The following TMEM132D variants were observed in gnomAD, a reference collection of about 807,000 sequenced individuals.
The protein encoded by TMEM132D is mature OL transmembrane protein.
Under a neutral mutation model 62.3 loss-of-function variants are expected in TMEM132D, and 21 were observed. The observed-to-expected ratio is 0.34, with a 90% confidence interval of 0.24 to 0.49. TMEM132D has a LOEUF of 0.49. Among genes scored for constraint, TMEM132D ranks in the 20% least tolerant of loss-of-function variants. The pLI is 0.99. For missense variants in TMEM132D, 1,346 were observed against 1,402.8 expected (o/e 0.96, Z 0.65); for synonymous variants, 621 against 575.6 (o/e 1.08, Z -1.13).
chr12:129,300,175 A>G (rs1881676681), intron 4 of TMEM132D, among the ~76,000 whole-genome samples: 1 of 152,198 alleles, frequency 6.6e-6, no homozygotes, highest in Non-Finnish European at 1.5e-5. Context: ...TACTTGAGCC[A>G]GCTACTTAAT....
At chr12:129,878,744 T>C (rs1874507141) in intron 1 of TMEM132D, among the ~76,000 whole-genome samples, 1 of 151,906 alleles carries the variant, frequency 6.6e-6, no homozygotes, top group Admixed American at 6.6e-5. Context: ...AATTTTTGTA[T>C]TTTTAGTACA....
intron 4 of TMEM132D, among the ~76,000 whole-genome samples, chr12:129,336,863 TG>T (rs1869297964): frequency 6.6e-6 from 1 of 151,976 alleles, no homozygotes. Flanking sequence ...ACCAGAGGTG[TG>T]GAAAGGAGCA....
At chr12:129,361,999 CTTAT>C (rs1276220927) in intron 3 of TMEM132D, among the ~76,000 whole-genome samples, 7 of 152,204 alleles carry the variant, frequency 4.6e-5, no homozygotes, top group South Asian at 4.1e-4. Flanking sequence ...ATCTTGTTTA[CTTAT>C]TTATTTATTT....
At chr12:129,251,647 A>G (rs867377960) in intron 4 of TMEM132D, among the ~76,000 whole-genome samples, 31 of 152,310 alleles carry the variant, frequency 2.0e-4, no homozygotes, top group Non-Finnish European at 1.8e-4. Context: ...TTGACAACGT[A>G]TGGCTCTCAA....
chr12:129,676,550 C>T (rs1457677097), intron 2 of TMEM132D, among the ~76,000 whole-genome samples: 1 of 152,114 alleles, frequency 6.6e-6, no homozygotes, highest in African/African-American at 2.4e-5. Flanking sequence ...GGGAAGGGAG[C>T]CAGTGTTTCA....
In TMEM132D at chr12:129,256,069, G is replaced by C. The variant is rs150276419; in HGVS notation, c.1300-46406C>G. Among the ~76,000 whole-genome samples, 35 of 152,300 alleles carry C rather than the reference G, an allele frequency of 2.3e-4. 1 individual carries two copies. The East Asian group carries it at 6.4e-3, about 28-fold the overall frequency. Reference sequence around the variant, plus strand: ...TTCAAACAAAACATGTCAGGGGCTTGACTTGTACTACTGATTGATTGATTT... The same window carrying C: ...TTCAAACAAAACATGTCAGGGGCTTCACTTGTACTACTGATTGATTGATTT... On this transcript the variant is annotated intron_variant, in intron 4 of 8. Transcript: ENST00000422113.
intron 4 of TMEM132D, among the ~76,000 whole-genome samples, chr12:129,300,737 T>G (rs942609125): frequency 1.3e-5 from 2 of 152,190 alleles, no homozygotes; most frequent in Admixed American, 6.5e-5. Context: ...CTTTAAAACA[T>G]AAACACTTTG....
intron 2 of TMEM132D, among the ~76,000 whole-genome samples, chr12:129,687,245 A>C (rs1484658384): frequency 6.6e-6 from 1 of 152,202 alleles, no homozygotes; most frequent in Non-Finnish European, 1.5e-5. Context: ...CACAAAGCAT[A>C]TAAAGGAGGA....
At chr12:129,276,503 C>T (rs11060230) in intron 4 of TMEM132D, among the ~76,000 whole-genome samples, 45,212 of 151,974 alleles carry the variant, frequency 0.3, 6,790 homozygotes, top group South Asian at 0.35. Context: ...GCTGTTTGTG[C>T]GGAATTATCC....
intron 5 of TMEM132D, among the ~76,000 whole-genome samples, chr12:129,157,183 G>C (rs1464035184): frequency 6.6e-6 from 1 of 152,086 alleles, no homozygotes; most frequent in East Asian, 1.9e-4. Flanking sequence ...CTACTCCCAA[G>C]ATAACTAACC....
chr12:129,512,270 G>A (rs866795343), intron 3 of TMEM132D, among the ~76,000 whole-genome samples: 1 of 152,190 alleles, frequency 6.6e-6, no homozygotes, highest in Non-Finnish European at 1.5e-5. Flanking sequence ...GGCCCAGGGA[G>A]AGGCACAGGA....
At chr12:129,318,867 G>A (rs1868577741) in intron 4 of TMEM132D, among the ~76,000 whole-genome samples, 1 of 152,128 alleles carries the variant, frequency 6.6e-6, no homozygotes, top group Non-Finnish European at 1.5e-5. Flanking sequence ...GATTATGGCT[G>A]CCTCTGCTGA....
At chr12:129,421,841 A>G (rs1270474147) in intron 3 of TMEM132D, among the ~76,000 whole-genome samples, 1 of 152,180 alleles carries the variant, frequency 6.6e-6, no homozygotes, top group African/African-American at 2.4e-5. Flanking sequence ...ACAGGAATGG[A>G]AAATCTTTCC....
At chr12:129,342,618 T>C (rs965651785) in intron 3 of TMEM132D, among the ~76,000 whole-genome samples, 29 of 152,188 alleles carry the variant, frequency 1.9e-4, no homozygotes, top group African/African-American at 6.7e-4. Context: ...TAAAAGAAAC[T>C]ACCATCAGAG....
Position 129,903,604 on chromosome 12 carries a change from A to AT in TMEM132D, c.-266dup, listed in dbSNP as rs530951939. 541 of 497,034 alleles carry AT rather than the reference A, an allele frequency of 1.1e-3. 4 individuals are homozygous for AT. Among genetic ancestry groups the AT allele is most frequent in the Non-Finnish European group, 1.6e-3 (448 of 280,152 alleles). 30.8% of individuals were successfully genotyped at this position (497,034 alleles called of 1,614,324 possible). On this transcript the variant is annotated 5_prime_UTR_variant, in exon 1 of 9. Transcript: ENST00000422113. This position sits in a 1 kb window ranked among gnomAD's most constrained non-coding sequence, Gnocchi z 6.2. ...ACCTCCCTCCTTCGACCCCAACAGA[A>AT]TTTTTTTTAAATTTTAATCCACAGG... is the stretch of plus-strand genomic sequence containing the variant.
intron 3 of TMEM132D, among the ~76,000 whole-genome samples, chr12:129,516,132 A>T (rs1875667281): frequency 6.6e-6 from 1 of 152,208 alleles, no homozygotes; most frequent in Non-Finnish European, 1.5e-5. Context: ...GAGGCTACAC[A>T]TCCTAGACAA....
intron 1 of TMEM132D, among the ~76,000 whole-genome samples, chr12:129,898,917 G>A (rs1875239360): frequency 6.6e-6 from 1 of 152,192 alleles, no homozygotes; most frequent in Non-Finnish European, 1.5e-5. Flanking sequence ...AACTGCCCAG[G>A]TCTGAGCTTA....
At chr12:129,425,332 T>C (rs1872461887) in intron 3 of TMEM132D, among the ~76,000 whole-genome samples, 1 of 152,066 alleles carries the variant, frequency 6.6e-6, no homozygotes, top group Non-Finnish European at 1.5e-5. Context: ...CTGAGGAAGC[T>C]TCCCAAAGTT....
At chr12:129,367,331 G>C (rs1282036854) in intron 3 of TMEM132D, among the ~76,000 whole-genome samples, 2 of 152,218 alleles carry the variant, frequency 1.3e-5, no homozygotes, top group South Asian at 2.1e-4. Context: ...GAAGGTATGA[G>C]TGAGAGAGGT....
Sources: allele counts gnomAD v4.1 joint callset (sites outside exome capture counted in the v4.1 genomes callset), GRCh38; gene constraint gnomAD v4.1.1; non-coding constraint Gnocchi (gnomAD v3.1); transcripts MANE v1.5; gene names NCBI Gene and HGNC (gene_info 2026-07-23, HGNC 2026-07-21).